RPH3A: variants seen among roughly 807,000 people sequenced by gnomAD.
RPH3A encodes rabphilin-3A.
Under a neutral mutation model 102.2 loss-of-function variants are expected in RPH3A, and 48 were observed. That is an observed-to-expected ratio of 0.47 (90% CI 0.37 to 0.60). The LOEUF (loss-of-function observed/expected upper bound fraction) is 0.60, where lower values mean the gene tolerates loss of function less well. Ranked by LOEUF, RPH3A falls within the 20% of genes least tolerant of loss-of-function variation. RPH3A has a pLI of 0.00. For missense variants in RPH3A, 781 were observed against 910.1 expected, an observed-to-expected ratio of 0.86 and a Z score of 1.83; for synonymous variants, 310 against 324.3, an observed-to-expected ratio of 0.96 and a Z score of 0.47.
At chr12:112,656,569 T>C (rs535625113) in intron 1 of RPH3A, among the ~76,000 whole-genome samples, 1 of 152,262 alleles carries the variant, frequency 6.6e-6, no homozygotes, top group Admixed American at 6.5e-5. Context: ...CTCAATCCCT[T>C]CCCACTCTTC....
chr12:112,693,769 T>A lies in RPH3A; in HGVS notation c.-139-98374T>A, dbSNP rs151228677. Among the ~76,000 whole-genome samples the A allele has an allele frequency of 6.4e-3, 970 of 152,240 alleles. 4 individuals carry two copies. Among genetic ancestry groups the A allele is most frequent in the Admixed American group, 0.011 (162 of 15,296 alleles). On this transcript the variant is annotated intron_variant, in intron 1 of 21. Transcript: ENST00000543106. ...GCTCCTCACCATCCCATTATCTAGG[T>A]TTATATTTTTCAAAATGCTTACTGC... is the stretch of plus-strand genomic sequence containing the variant.
rs1565857199 is a variant in RPH3A, at chr12:112,713,014, T to G, written c.-139-79129T>G. Among the ~76,000 whole-genome samples the G allele has an allele frequency of 2.1e-4, 16 of 74,688 alleles. 1 individual carries two copies. The highest frequency in any genetic ancestry group is 1.4e-3 in the East Asian group (4 of 2,766). 49.0% of individuals were successfully genotyped at this position (74,688 alleles called of 152,430 possible). Reference sequence around the variant, plus strand: ...CTTTGTCTTCCTCTTCCTCTTCCTCTTCCTCTTCCTCTTCTTCTTCTTCTT... The same window carrying G: ...CTTTGTCTTCCTCTTCCTCTTCCTCGTCCTCTTCCTCTTCTTCTTCTTCTT... On this transcript the variant is annotated intron_variant, in intron 1 of 21. Transcript: ENST00000543106.
intron 1 of RPH3A, among the ~76,000 whole-genome samples, chr12:112,746,783 GCT>G (rs1473872419): frequency 4.6e-5 from 7 of 152,086 alleles, no homozygotes; most frequent in African/African-American, 9.7e-5. Flanking sequence ...TCTGCCTCGT[GCT>G]CTCTGTGTCT....
At position 112,706,500 on chromosome 12, in the gene RPH3A, C is replaced by G. The variant is rs535651544; in HGVS notation, c.-139-85643C>G. Among the ~76,000 whole-genome samples the G allele has an allele frequency of 3.9e-5, 6 of 152,286 alleles. No homozygotes were observed. The East Asian group carries it at 1.2e-3, about 29-fold the overall frequency. ...TCACTTTCCAAACAAACTGCTTGAA[C>G]TTACATTTCATTCTCCTGCCCTGCT... On this transcript the variant is annotated intron_variant, in intron 1 of 21. Coordinates refer to the RPH3A transcript ENST00000543106.
intron 1 of RPH3A, among the ~76,000 whole-genome samples, chr12:112,615,310 C>T (rs975522969): frequency 2.0e-5 from 3 of 152,132 alleles, no homozygotes; most frequent in African/African-American, 7.2e-5. Flanking sequence ...GCTTCCTGCC[C>T]CCAGCCATCT....
intron 2 of RPH3A, among the ~76,000 whole-genome samples, chr12:112,801,433 C>A (rs1256978885): frequency 6.6e-6 from 1 of 152,184 alleles, no homozygotes; most frequent in Non-Finnish European, 1.5e-5. Context: ...TCTGACTGGG[C>A]AGGCCTATGT....
At chr12:112,656,092 T>C (rs572834487) in intron 1 of RPH3A, among the ~76,000 whole-genome samples, 4 of 152,348 alleles carry the variant, frequency 2.6e-5, no homozygotes, top group South Asian at 2.1e-4. Context: ...GGGGCCATGA[T>C]GGACAGAACA....
chr12:112,694,004 T>G (rs578002894), intron 1 of RPH3A, among the ~76,000 whole-genome samples: 4 of 152,268 alleles, frequency 2.6e-5, no homozygotes, highest in African/African-American at 9.6e-5. Context: ...GGTATCTAAT[T>G]CGCTCTGCAC....
At chr12:112,743,660 T>A (rs1189032584) in intron 1 of RPH3A, among the ~76,000 whole-genome samples, 1 of 152,058 alleles carries the variant, frequency 6.6e-6, no homozygotes, top group Non-Finnish European at 1.5e-5. Context: ...ATGAAGTACA[T>A]CTTGAATAGG....
At position 112,713,038 on chromosome 12, in the gene RPH3A, TTCTTCTTCTTCTC is replaced by T. The variant is rs1565857399; in HGVS notation, c.-139-79104_-139-79092del. On this transcript the variant is annotated intron_variant, in intron 1 of 21. Transcript: ENST00000543106. ...CTTCCTCTTCCTCTTCTTCTTCTTC[TTCTTCTTCTTCTC>T]CTTCTTCTTCTTCTTCTTCTTCTTC... Among the ~76,000 whole-genome samples, 18 of 82,956 alleles carry T rather than the reference TTCTTCTTCTTCTC, an allele frequency of 2.2e-4. 1 individual carries two copies. The highest frequency in any genetic ancestry group is 9.0e-4 in the African/African-American group (15 of 16,594). The allele number at this position is 82,956 out of a possible 152,430, so 54.4% of individuals were successfully genotyped here.
At chr12:112,676,648 A>T (rs2040176884) in intron 1 of RPH3A, among the ~76,000 whole-genome samples, 1 of 152,148 alleles carries the variant, frequency 6.6e-6, no homozygotes, top group Non-Finnish European at 1.5e-5. Context: ...GGTGGGAGGA[A>T]ATTGTGCAGG....
chr12:112,725,601 C>T (rs1260867392), intron 1 of RPH3A, among the ~76,000 whole-genome samples: 1 of 152,160 alleles, frequency 6.6e-6, no homozygotes, highest in Non-Finnish European at 1.5e-5. Context: ...GTCCTCTACT[C>T]AGGAGTGGGA....
chr12:112,765,770 C>T (rs564550940), intron 1 of RPH3A, among the ~76,000 whole-genome samples: 3 of 152,160 alleles, frequency 2.0e-5, no homozygotes, highest in Non-Finnish European at 4.4e-5. Context: ...AGGACTGGAA[C>T]CACACCTCGC....
chr12:112,656,810 T>C (rs968543953), intron 1 of RPH3A, among the ~76,000 whole-genome samples: 6 of 151,134 alleles, frequency 4.0e-5, no homozygotes, highest in African/African-American at 1.5e-4. Context: ...TATATATACA[T>C]ATATATATAT....
chr12:112,681,665 G>C (rs2040227079), intron 1 of RPH3A, among the ~76,000 whole-genome samples: 1 of 152,082 alleles, frequency 6.6e-6, no homozygotes, highest in Non-Finnish European at 1.5e-5. Flanking sequence ...TTTTTTGAGG[G>C]GGGGCTTAAA....
In RPH3A at chr12:112,773,746, G is replaced by A. The variant is rs539246419; in HGVS notation, c.-139-18397G>A. On this transcript the variant is annotated intron_variant, in intron 1 of 21. Transcript: ENST00000543106. ...GGGTGGGAGCAGGACTGAAGCTGCT[G>A]CTGGGAAGGAAAAATCAAGTAACAA... Among the ~76,000 whole-genome samples the A allele has an allele frequency of 6.6e-5, 10 of 152,036 alleles. No homozygotes were observed. In the East Asian group the frequency reaches 1.5e-3, roughly 24 times the overall value.
At chr12:112,876,485 C>T (rs78670426) in intron 12 of RPH3A, among the ~76,000 whole-genome samples, 157 bp from the exon 13 acceptor site, 2,373 of 152,150 alleles carry the variant, frequency 0.016, 42 homozygotes, top group East Asian at 0.053. Flanking sequence ...TGAATCAGCT[C>T]GAGGGGCTTA....
At position 112,713,023 on chromosome 12, in the gene RPH3A, C is replaced by G. The variant is rs146203176; in HGVS notation, c.-139-79120C>G. Among the ~76,000 whole-genome samples the G allele has an allele frequency of 4.5e-4, 24 of 52,796 alleles. 2 individuals are homozygous for G. The highest frequency in any genetic ancestry group is 8.5e-3 in the Middle Eastern group (1 of 118). 34.6% of individuals were successfully genotyped at this position (52,796 alleles called of 152,430 possible). Reference sequence around the variant, plus strand: ...CCTCTTCCTCTTCCTCTTCCTCTTCCTCTTCTTCTTCTTCTTCTTCTTCTT... The same window carrying G: ...CCTCTTCCTCTTCCTCTTCCTCTTCGTCTTCTTCTTCTTCTTCTTCTTCTT... On this transcript the variant is annotated intron_variant, in intron 1 of 21. Transcript: ENST00000543106.
chr12:112,685,021 G>A (rs2040253329), intron 1 of RPH3A, among the ~76,000 whole-genome samples: 1 of 152,148 alleles, frequency 6.6e-6, no homozygotes, highest in African/African-American at 2.4e-5. Context: ...TCATGGCCCA[G>A]GCTCATGCAA....
Sources: allele counts gnomAD v4.1 joint callset (sites outside exome capture counted in the v4.1 genomes callset), GRCh38; gene constraint gnomAD v4.1.1; transcripts MANE v1.5; gene names NCBI Gene and HGNC (gene_info 2026-07-23, HGNC 2026-07-21).